Variants in KCNK10 observed in about 807,000 individuals in gnomAD.
KCNK10 encodes potassium two pore domain channel subfamily K member 10.
KCNK10 carries 25 observed loss-of-function variants against 47.7 expected under a neutral mutation model. The observed-to-expected ratio is 0.52, with a 90% confidence interval of 0.38 to 0.73. KCNK10 has a LOEUF of 0.73. Among genes scored for constraint, KCNK10 ranks in the 30% least tolerant of loss-of-function variants. KCNK10 has a pLI of 0.00. For missense variants in KCNK10, 563 were observed against 714.5 expected, an observed-to-expected ratio of 0.79 and a Z score of 2.42; for synonymous variants, 303 against 285.6, an observed-to-expected ratio of 1.06 and a Z score of -0.61.
At chr14:88,258,073 T>C (rs1321146727) in intron 2 of KCNK10, among the ~76,000 whole-genome samples, 1 of 151,834 alleles carries the variant, frequency 6.6e-6, no homozygotes, top group African/African-American at 2.4e-5. Context: ...CCCCATCCCA[T>C]TAAGAACCAC....
At chr14:88,257,384 G>C (rs533820568) in intron 2 of KCNK10, among the ~76,000 whole-genome samples, 1 of 152,164 alleles carries the variant, frequency 6.6e-6, no homozygotes, top group South Asian at 2.1e-4. Flanking sequence ...ATACTTCTCA[G>C]TTCAAGCCAT....
At chr14:88,250,303 G>A (rs1886758663) in intron 2 of KCNK10, among the ~76,000 whole-genome samples, 1 of 152,146 alleles carries the variant, frequency 6.6e-6, no homozygotes, top group Non-Finnish European at 1.5e-5. Context: ...CACAGGCTGG[G>A]GGCTGCAGGC....
chr14:88,243,720 G>A (rs1413368880), intron 2 of KCNK10, among the ~76,000 whole-genome samples: 1 of 151,946 alleles, frequency 6.6e-6, no homozygotes, highest in Non-Finnish European at 1.5e-5. Context: ...TACCCTAAGA[G>A]GGAAGGATCA....
At chr14:88,250,869 T>A (rs1886775046) in intron 2 of KCNK10, among the ~76,000 whole-genome samples, 1 of 152,022 alleles carries the variant, frequency 6.6e-6, no homozygotes, top group Non-Finnish European at 1.5e-5. Context: ...AGAAAAGACT[T>A]GTAAAACAGA....
rs561714230 is a variant in KCNK10, at chr14:88,183,487, C to A, written c.*2048G>T. 1.9e-4 allele frequency: 29 copies of A among 152,498 alleles called. No individual in the cohort carries two copies. Among genetic ancestry groups the A allele is most frequent in the Non-Finnish European group, 3.7e-4 (25 of 68,044 alleles). 9.4% of individuals were successfully genotyped at this position (152,498 alleles called of 1,614,324 possible). A position where few individuals can be genotyped will look rare whatever the true frequency, so the allele number is the denominator to read the frequency against. On this transcript the variant is annotated 3_prime_UTR_variant, in exon 7 of 7. Coordinates refer to ENST00000319231, the MANE Select transcript of KCNK10 (RefSeq NM_138317.3). ...TAACAGAGGAAGTCCCAGTTATCTA[C>A]CTATTCCTTAAAACACATTTTGTCA...
chr14:88,212,109 A>AAAATATATATATATATATATATAT (rs1555360606), intron 4 of KCNK10, among the ~76,000 whole-genome samples: 1 of 133,334 alleles, frequency 7.5e-6, no homozygotes, highest in African/African-American at 2.8e-5. Context: ...TGATAGTGAG[A>AAAATATATATATATATATATATAT]ATATATATAT....
intron 3 of KCNK10, among the ~76,000 whole-genome samples, chr14:88,236,444 C>T (rs565542402): frequency 6.6e-6 from 1 of 152,320 alleles, no homozygotes; most frequent in South Asian, 2.1e-4. Flanking sequence ...TCCCCTGAGC[C>T]ATTCTTAAGG....
intron 2 of KCNK10, among the ~76,000 whole-genome samples, chr14:88,245,905 G>C (rs1304795509): frequency 6.6e-6 from 1 of 152,158 alleles, no homozygotes; most frequent in African/African-American, 2.4e-5. Flanking sequence ...CTAACAGACT[G>C]TTTGTCTCTC....
rs1345156323 is a variant in KCNK10, at chr14:88,180,783, G to A, written c.*4752C>T. 1.3e-5 allele frequency: 5 copies of A among 398,672 alleles called. No homozygotes were observed. The highest frequency in any genetic ancestry group is 4.4e-5 in the Admixed American group (1 of 22,722). 24.7% of individuals were successfully genotyped at this position (398,672 alleles called of 1,614,324 possible). ...CATGGAGTATGGATGGGTTGGTGAA[G>A]TCCAATGAAGGTATGGTGCAGAGAC... On this transcript the variant is annotated 3_prime_UTR_variant, in exon 7 of 7. Transcript: ENST00000319231.
At chr14:88,237,071 C>T (rs1886320474) in intron 3 of KCNK10, among the ~76,000 whole-genome samples, 1 of 152,198 alleles carries the variant, frequency 6.6e-6, no homozygotes, top group Admixed American at 6.5e-5. Context: ...TGGAATCAAT[C>T]TTCTCAAACC....
intron 3 of KCNK10, among the ~76,000 whole-genome samples, chr14:88,239,141 G>A (rs1338956269): frequency 2.0e-5 from 3 of 151,990 alleles, no homozygotes; most frequent in East Asian, 1.9e-4. Context: ...TGGAGCACAC[G>A]ACGTTGGAAA....
At chr14:88,325,600 C>T (rs1042368413), upstream of KCNK10, among the ~76,000 whole-genome samples, 26 of 152,266 alleles carry the variant, frequency 1.7e-4, no homozygotes, top group African/African-American at 6.0e-4. Flanking sequence ...TCATCCAGTC[C>T]CGGGACCCAT....
At chr14:88,188,285 C>T (rs1241253854) in intron 5 of KCNK10, among the ~76,000 whole-genome samples, 176 bp from the exon 6 acceptor site, 4 of 152,114 alleles carry the variant, frequency 2.6e-5, no homozygotes, top group Non-Finnish European at 5.9e-5. Flanking sequence ...CCATCCCTTA[C>T]CCAAAAAAGC....
chr14:88,297,927 G>T (rs949058995), intron 1 of KCNK10, among the ~76,000 whole-genome samples: 13 of 152,218 alleles, frequency 8.5e-5, no homozygotes, highest in Non-Finnish European at 1.3e-4. Flanking sequence ...TCTTCGTTCT[G>T]CAGTGGGAAT....
intron 2 of KCNK10, among the ~76,000 whole-genome samples, chr14:88,244,603 G>C (rs1166282686): frequency 2.0e-5 from 3 of 152,104 alleles, no homozygotes; most frequent in African/African-American, 7.2e-5. Context: ...GGGAGGTGGA[G>C]CTTGCAGTGA....
intron 4 of KCNK10, among the ~76,000 whole-genome samples, chr14:88,217,397 T>C (rs1323124439): frequency 1.3e-5 from 2 of 152,176 alleles, no homozygotes; most frequent in Non-Finnish European, 2.9e-5. Context: ...CCTGCCTCTT[T>C]GGGTGCAATG....
chr14:88,273,101 TACTGAAGCCACAGG>T (rs1408652315), intron 1 of KCNK10, among the ~76,000 whole-genome samples: 10 of 152,094 alleles, frequency 6.6e-5, no homozygotes, highest in Admixed American at 2.6e-4. Flanking sequence ...ATGTAAGTGG[TACTGAAGCCACAGG>T]ACTGGATGAA....
Position 88,322,226 on chromosome 14 carries a change from T to A in KCNK10, c.52+521A>T, listed in dbSNP as rs1888561309. Reference sequence around the variant, plus strand: ...CGAAGACTCAGGAGGCCCTGTGGGCTCCATTATTCTGCATGCCCTGCGAGA... The same window carrying A: ...CGAAGACTCAGGAGGCCCTGTGGGCACCATTATTCTGCATGCCCTGCGAGA... On this transcript the variant is annotated intron_variant, in intron 1 of 6. Transcript: ENST00000319231. This position sits in a 1 kb window ranked among gnomAD's most constrained non-coding sequence, Gnocchi z 4.8. Among the ~76,000 whole-genome samples, 1 of 152,028 alleles carries A rather than the reference T, an allele frequency of 6.6e-6. No homozygotes were observed. The highest frequency in any genetic ancestry group is 2.4e-5 in the African/African-American group (1 of 41,382).
intron 2 of KCNK10, among the ~76,000 whole-genome samples, chr14:88,242,108 AG>A (rs1232593038): frequency 6.6e-6 from 1 of 152,262 alleles, no homozygotes; most frequent in Non-Finnish European, 1.5e-5. Context: ...AACCCTATGT[AG>A]GGAGAGCAAG....
Sources: gnomAD v4.1 joint callset for allele counts (sites outside exome capture counted in the v4.1 genomes callset) on GRCh38, gnomAD v4.1.1 for gene constraint, Gnocchi (gnomAD v3.1) non-coding constraint, MANE v1.5 for transcripts, NCBI Gene and HGNC (gene_info 2026-07-23, HGNC 2026-07-21) for gene names.